The following NPC1 variants were observed in gnomAD, a reference collection of about 807,000 sequenced individuals.
The protein encoded by NPC1 is NPC intracellular cholesterol transporter 1.
Under a neutral mutation model 140.4 loss-of-function variants are expected in NPC1, and 85 were observed. That is an observed-to-expected ratio of 0.61 (90% CI 0.51 to 0.72). The LOEUF is 0.72. NPC1 is among the 30% of genes least tolerant of loss of function. The probability of loss-of-function intolerance (pLI) is 0.00; values close to 1 mark genes in which losing one functional copy is unlikely to be tolerated. For synonymous variants in NPC1, 656 were observed against 624.8 expected, an observed-to-expected ratio of 1.05 and a Z score of -0.74; for missense variants, 1,504 against 1,623.8, an observed-to-expected ratio of 0.93 and a Z score of 1.27.
At chr18:23,552,251 G>GT (rs1164142303) in intron 9 of NPC1, among the ~76,000 whole-genome samples, 1 of 152,002 alleles carries the variant, frequency 6.6e-6, no homozygotes, top group Non-Finnish European at 1.5e-5. Flanking sequence ...TAACCCAGGA[G>GT]TTTGAGTCCA....
At chr18:23,542,306 C>T (rs2058724584) in intron 14 of NPC1, among the ~76,000 whole-genome samples, 1 of 148,322 alleles carries the variant, frequency 6.7e-6, no homozygotes, top group African/African-American at 2.5e-5. Flanking sequence ...AACTACAGGG[C>T]TACAGGTTTC....
downstream of NPC1, among the ~76,000 whole-genome samples, chr18:23,521,237 A>G (rs528498690): frequency 1.3e-4 from 20 of 152,374 alleles, no homozygotes; most frequent in African/African-American, 4.6e-4. Context: ...TCTAAGATAG[A>G]TGAATCTCCC....
chr18:23,516,830 A>C (rs1465128461), intron 3 of NPC1, among the ~76,000 whole-genome samples: 2 of 149,476 alleles, frequency 1.3e-5, no homozygotes, highest in Admixed American at 6.7e-5. Context: ...GGCTCAAACG[A>C]TTCTTCTGCT....
At chr18:23,550,918 T>C (rs956468857) in intron 10 of NPC1, among the ~76,000 whole-genome samples, 1 of 152,236 alleles carries the variant, frequency 6.6e-6, no homozygotes, top group South Asian at 2.1e-4. Flanking sequence ...CAATTAGAAA[T>C]GGCATTTTCC....
intron 11 of NPC1, 113 bp downstream of exon 11, chr18:23,547,893 C>G (rs901238170): frequency 1.3e-6 from 1 of 789,198 alleles, no homozygotes. Flanking sequence ...AACAAAACTA[C>G]GTAACTCAGA....
At chr18:23,565,260 AAAC>A (rs1170015463) in intron 4 of NPC1, among the ~76,000 whole-genome samples, 1 of 152,242 alleles carries the variant, frequency 6.6e-6, no homozygotes, top group Non-Finnish European at 1.5e-5. Context: ...ACTGATATCT[AAAC>A]AATATTAAGT....
intron 4 of NPC1, among the ~76,000 whole-genome samples, chr18:23,566,762 CAT>C (rs776243052): frequency 1.3e-5 from 2 of 152,298 alleles, no homozygotes; most frequent in African/African-American, 4.8e-5. Flanking sequence ...TTCAAAATGT[CAT>C]ATAAACATGT....
At chr18:23,529,836 T>C, downstream of NPC1, 3 of 1,098,876 alleles carry the variant, frequency 2.7e-6, no homozygotes, top group East Asian at 7.1e-5. Flanking sequence ...GAATGCTGAG[T>C]GACTCCTGAC....
intron 17 of NPC1, 73 bp downstream of exon 17, chr18:23,540,375 G>T (rs1200070410): frequency 2.0e-6 from 2 of 987,812 alleles, no homozygotes; most frequent in Non-Finnish European, 3.1e-6. Context: ...AAACACCTAC[G>T]TGCATGTTTT....
rs973277515 is a variant in NPC1 at position 23,586,291 on chromosome 18, G to C, written c.53C>G (p.Ala18Gly). The C allele has an allele frequency of 1.3e-6, 2 of 1,533,628 alleles. No individual in the cohort carries two copies. The highest frequency in any genetic ancestry group is 3.9e-5 in the Admixed American group (2 of 50,954). ...LGLLLLLLCP[A>G]QVFSQSCVWY... is the part of the protein sequence containing the mutation. Reference sequence around the variant, plus strand: ...CGGTGGCCGGCGACCGCTCACCTGCGCTGGACACAGTAGCAGCAGGAGGAG... The same window carrying C: ...CGGTGGCCGGCGACCGCTCACCTGCCCTGGACACAGTAGCAGCAGGAGGAG... The change falls in exon 1 of 25, where the codon GCG becomes GGG. Residue 18 changes from alanine to glycine, a missense_variant. Physicochemically the swap from Ala to Gly is moderately conservative, Grantham distance 60. Transcript: ENST00000269228.
At position 23,531,748 on chromosome 18, in the gene NPC1, TTTA is replaced by T. The variant is rs1256306059; in HGVS notation, c.*451_*453del. On this transcript the variant is annotated 3_prime_UTR_variant, in exon 25 of 25. Transcript: ENST00000269228. ...TATATAAAAATGTGTACAAAGTTAA[TTTA>T]TTGCATTAATAAAGCTCTTTAAACT... 16 of 1,588,620 alleles carry T rather than the reference TTTA, an allele frequency of 1.0e-5. No homozygotes were observed. Among genetic ancestry groups the T allele is most frequent in the Middle Eastern group, 3.4e-4 (2 of 5,946 alleles).
Position 23,551,721 on chromosome 18 carries a change from A to G in NPC1, c.1560T>C (p.Pro520=). Reference sequence around the variant, plus strand: ...GCAAACTTGTATCATTCAGAGAGGCAGGAGCCCTGCCAAAAAGTTTAGAAA... The same window carrying G: ...GCAAACTTGTATCATTCAGAGAGGCGGGAGCCCTGCCAAAAAGTTTAGAAA... ...HTHFLYCVRA[P]ASLNDTSLLH... is the part of the protein sequence containing the mutation. The change falls in exon 10 of 25, where the codon CCT becomes CCC. Residue 520 remains proline (P), a synonymous_variant. Coordinates refer to ENST00000269228, the MANE Select transcript of NPC1 (RefSeq NM_000271.5). 1 of 1,613,786 alleles carries G rather than the reference A, an allele frequency of 6.2e-7. No homozygotes were observed. Among genetic ancestry groups the G allele is most frequent in the Non-Finnish European group, 8.5e-7 (1 of 1,179,666 alleles).
At chr18:23,517,218 TG>T (rs1394390602) in intron 3 of NPC1, among the ~76,000 whole-genome samples, 1 of 151,550 alleles carries the variant, frequency 6.6e-6, no homozygotes, top group Middle Eastern at 3.2e-3. Flanking sequence ...GGCACGATCT[TG>T]GCTCACTGCA....
At chr18:23,510,802 C>T (rs1221062177) in intron 3 of NPC1, among the ~76,000 whole-genome samples, 1 of 152,188 alleles carries the variant, frequency 6.6e-6, no homozygotes, top group Non-Finnish European at 1.5e-5. Context: ...TCAGCATAGC[C>T]ATTATAAAAA....
intron 21 of NPC1, 145 bp from the exon 22 acceptor site, chr18:23,535,845 G>A (rs1054176733): frequency 3.9e-5 from 27 of 699,412 alleles, no homozygotes; most frequent in Non-Finnish European, 6.2e-5. Context: ...AAGACTCACC[G>A]AAAGCAACTC....
intron 6 of NPC1, among the ~76,000 whole-genome samples, chr18:23,558,895 C>T (rs2058994242): frequency 1.3e-5 from 2 of 152,126 alleles, no homozygotes; most frequent in African/African-American, 2.4e-5. Context: ...ACAACAGTCC[C>T]CGGTGTGTGA....
rs768926277 is a variant in NPC1 at position 23,540,415 on chromosome 18, G to GT, written c.2604+32dup. On this transcript the variant is annotated intron_variant, in intron 17 of 24. Coordinates refer to ENST00000269228, the MANE Select transcript of NPC1 (RefSeq NM_000271.5). ...AATGTATTCATCATCAGCTAAAGAA[G>GT]TTAAAAAAAAAAAAAAAAGGAAGTC... 70 of 1,183,180 alleles carry GT rather than the reference G, an allele frequency of 5.9e-5. No individual in the cohort carries two copies. The East Asian group carries it at 1.4e-3, about 23-fold the overall frequency. 73.3% of individuals were successfully genotyped at this position (1,183,180 alleles called of 1,614,324 possible). A position where few individuals can be genotyped will look rare whatever the true frequency, so the allele number is the denominator to read the frequency against.
intron 6 of NPC1, among the ~76,000 whole-genome samples, chr18:23,559,044 A>G (rs1466150616): frequency 2.0e-5 from 3 of 152,228 alleles, no homozygotes; most frequent in African/African-American, 7.2e-5. Flanking sequence ...CCTACAAAGG[A>G]CATGAACTCA....
intron 7 of NPC1, among the ~76,000 whole-genome samples, 155 bp downstream of exon 7, chr18:23,556,962 C>A (rs1454314469): frequency 1.3e-5 from 2 of 152,238 alleles, no homozygotes; most frequent in Admixed American, 6.5e-5. Flanking sequence ...GATGGTAGGG[C>A]CACAAAGGCA....
Sources: gnomAD v4.1 joint callset for allele counts (sites outside exome capture counted in the v4.1 genomes callset) on GRCh38, gnomAD v4.1.1 for gene constraint, MANE v1.5 for transcripts, NCBI Gene and HGNC (gene_info 2026-07-23, HGNC 2026-07-21) for gene names.